OR7E24: variants seen among roughly 807,000 people sequenced by gnomAD.
OR7E24 encodes olfactory receptor family 7 subfamily E member 24.
For missense variants in OR7E24, 385 were observed against 410.3 expected (o/e 0.94, Z 0.53); for synonymous variants, 130 against 157.5 (o/e 0.83, Z 1.31).
the OR7E24 span, among the ~76,000 whole-genome samples, chr19:9,234,843 G>A: frequency 5.9e-5 from 9 of 152,192 alleles, no homozygotes; most frequent in Non-Finnish European, 1.3e-4. Flanking sequence ...GAACTATGGA[G>A]ATGTATCAAA....
the OR7E24 span, among the ~76,000 whole-genome samples, chr19:9,221,572 C>T: frequency 1.3e-5 from 2 of 151,594 alleles, no homozygotes; most frequent in Non-Finnish European, 2.9e-5. Flanking sequence ...AGGGTGGTCT[C>T]GATCTCCTGA....
the OR7E24 span, chr19:9,214,921 A>C: frequency 1.3e-6 from 1 of 752,010 alleles, no homozygotes; most frequent in Non-Finnish European, 2.2e-6. Flanking sequence ...ATCACTTTAC[A>C]ATATCACCTT....
chr19:9,247,660 G>A, upstream of OR7E24: 1 of 397,468 alleles, frequency 2.5e-6, no homozygotes, highest in East Asian at 3.6e-5. Context: ...TATTTTCAGG[G>A]TTTATGTTCA....
At chr19:9,210,457 A>G in the OR7E24 span, 2 of 152,338 alleles carry the variant, frequency 1.3e-5, no homozygotes, top group East Asian at 3.8e-4. Flanking sequence ...AAAATAAAAT[A>G]AAATAAATTA....
At chr19:9,220,054 T>A in the OR7E24 span, among the ~76,000 whole-genome samples, 1 of 152,038 alleles carries the variant, frequency 6.6e-6, no homozygotes, top group Non-Finnish European at 1.5e-5. Flanking sequence ...AAATTATTTT[T>A]ATATATTTTT....
the OR7E24 span, chr19:9,235,067 AAGT>A: frequency 2.7e-5 from 16 of 591,810 alleles, no homozygotes; most frequent in African/African-American, 3.0e-4. Context: ...GACTCCATAG[AAGT>A]TGCATCCAAG....
At chr19:9,238,240 CAGAGCAAG>C in the OR7E24 span, among the ~76,000 whole-genome samples, 2,974 of 152,198 alleles carry the variant, frequency 0.02, 84 homozygotes, top group African/African-American at 0.068. Context: ...ATCACTGTGA[CAGAGCAAG>C]TGACAGCCTG....
the OR7E24 span, among the ~76,000 whole-genome samples, chr19:9,233,110 TCCTTGCTTCC>T: frequency 4.1e-4 from 62 of 152,284 alleles, no homozygotes; most frequent in African/African-American, 1.4e-3. Context: ...GTCTATTCTT[TCCTTGCTTCC>T]CCTTTTGAAT....
At chr19:9,225,320 A>G in the OR7E24 span, among the ~76,000 whole-genome samples, 2 of 151,742 alleles carry the variant, frequency 1.3e-5, no homozygotes, top group Admixed American at 6.6e-5. Flanking sequence ...CAGTGAGCCA[A>G]GATCACACCA....
the OR7E24 span, among the ~76,000 whole-genome samples, chr19:9,225,374 A>AGAAG: frequency 3.5e-5 from 3 of 85,160 alleles, no homozygotes; most frequent in Non-Finnish European, 6.3e-5. Context: ...CAAGAAGGAA[A>AGAAG]GAAGGAAGGA....
the OR7E24 span, among the ~76,000 whole-genome samples, chr19:9,229,279 C>T: frequency 1.3e-5 from 2 of 152,068 alleles, no homozygotes; most frequent in African/African-American, 4.8e-5. Context: ...CCTGTAATTC[C>T]AGCACTTTGG....
chr19:9,243,210 T>A (rs1444724716), upstream of OR7E24, among the ~76,000 whole-genome samples: 1 of 152,022 alleles, frequency 6.6e-6, no homozygotes, highest in Non-Finnish European at 1.5e-5. Flanking sequence ...TCATCCCACA[T>A]CCCTAAGACC....
the OR7E24 span, among the ~76,000 whole-genome samples, chr19:9,228,004 C>T: frequency 4.0e-5 from 6 of 151,562 alleles, no homozygotes; most frequent in African/African-American, 1.5e-4. Context: ...CCGCCCGCCT[C>T]GGCCTCCCAA....
chr19:9,246,060 CTTTTTTTTTTTT>C (rs58590446), upstream of OR7E24, among the ~76,000 whole-genome samples: 1 of 38,898 alleles, frequency 2.6e-5, no homozygotes, highest in Non-Finnish European at 4.2e-5. Flanking sequence ...TATCAATGTG[CTTTTTTTTTTTT>C]TTTTTTTTTT....
At chr19:9,239,334 A>C in the OR7E24 span, among the ~76,000 whole-genome samples, 4 of 151,756 alleles carry the variant, frequency 2.6e-5, no homozygotes, top group African/African-American at 9.7e-5. Flanking sequence ...CATGCCTGGC[A>C]AATATTTTTT....
chr19:9,226,149 G>A, the OR7E24 span, among the ~76,000 whole-genome samples: 1 of 152,216 alleles, frequency 6.6e-6, no homozygotes, highest in Non-Finnish European at 1.5e-5. Context: ...AGTTCTTAGA[G>A]ACTTCTGCCC....
chr19:9,218,257 T>C, the OR7E24 span, among the ~76,000 whole-genome samples: 1 of 137,354 alleles, frequency 7.3e-6, no homozygotes, highest in African/African-American at 3.2e-5. Flanking sequence ...ATAAATTTAA[T>C]AATACAGTAA....
At chr19:9,243,398 C>T (rs1314935451), upstream of OR7E24, among the ~76,000 whole-genome samples, 1 of 148,110 alleles carries the variant, frequency 6.8e-6, no homozygotes, top group Non-Finnish European at 1.5e-5. Context: ...GGCTGGAGTA[C>T]AGTGGCTCAC....
At chr19:9,248,412 AGGT>A (rs1204557091), upstream of OR7E24, among the ~76,000 whole-genome samples, 3 of 152,188 alleles carry the variant, frequency 2.0e-5, no homozygotes, top group African/African-American at 7.2e-5. Context: ...AGGTAGAAAG[AGGT>A]GAAGCCACAT....
Sources: allele counts gnomAD v4.1 joint callset (sites outside exome capture counted in the v4.1 genomes callset), GRCh38; gene constraint gnomAD v4.1.1; transcripts MANE v1.5; gene names NCBI Gene and HGNC (gene_info 2026-07-23, HGNC 2026-07-21).